Variants in CSMD1 observed in about 807,000 individuals in gnomAD.
The protein encoded by CSMD1 is CUB and sushi domain-containing protein 1.
In CSMD1, 213 loss-of-function variants were observed where a neutral mutation model predicts 417.5. The observed-to-expected ratio is 0.51, with a 90% CI of 0.46 to 0.57. The LOEUF is 0.57. CSMD1 is among the 20% of genes least tolerant of loss of function. The pLI is 0.00. For synonymous variants in CSMD1, 2,862 were observed against 1,736.8 expected, an observed-to-expected ratio of 1.65 and a Z score of -16.11; for missense variants, 6,923 against 4,529.7, an observed-to-expected ratio of 1.53 and a Z score of -15.17.
chr8:3,623,528 A>G (rs553321901), intron 7 of CSMD1, among the ~76,000 whole-genome samples: 3 of 152,362 alleles, frequency 2.0e-5, no homozygotes, highest in Non-Finnish European at 2.9e-5. Context: ...CGCTAAAAAT[A>G]ATTACAATGA....
chr8:4,776,404 C>A (rs1284782054), intron 1 of CSMD1, among the ~76,000 whole-genome samples: 1 of 152,160 alleles, frequency 6.6e-6, no homozygotes, highest in Non-Finnish European at 1.5e-5. Flanking sequence ...TCAGGTTATT[C>A]TTATGGTGCC....
chr8:3,917,855 T>C (rs1256510460), intron 5 of CSMD1, among the ~76,000 whole-genome samples: 3 of 152,152 alleles, frequency 2.0e-5, no homozygotes, highest in Non-Finnish European at 4.4e-5. Flanking sequence ...TCTACATGCT[T>C]AGAAATTTTA....
chr8:4,157,703 G>C (rs1008489292), intron 3 of CSMD1, among the ~76,000 whole-genome samples: 2 of 152,224 alleles, frequency 1.3e-5, no homozygotes, highest in East Asian at 1.9e-4. Context: ...CCTTGGGTGG[G>C]TCTGCACAGT....
intron 3 of CSMD1, among the ~76,000 whole-genome samples, chr8:4,241,750 C>G (rs960965548): frequency 6.8e-6 from 1 of 148,130 alleles, no homozygotes; most frequent in African/African-American, 2.5e-5. Context: ...GTCGCCCAGG[C>G]TGGAGTGCAG....
At chr8:3,818,515 T>A (rs1013068887) in intron 5 of CSMD1, among the ~76,000 whole-genome samples, 4 of 152,052 alleles carry the variant, frequency 2.6e-5, no homozygotes, top group African/African-American at 9.7e-5. Flanking sequence ...CAACTGCAGA[T>A]TAGACCAGGG....
At chr8:3,660,977 T>C (rs185956221) in intron 7 of CSMD1, among the ~76,000 whole-genome samples, 17 of 152,242 alleles carry the variant, frequency 1.1e-4, no homozygotes, top group Admixed American at 7.2e-4. Context: ...AGGTGAGGGA[T>C]TGGCAGAGGT....
chr8:4,601,862 G>A (rs75498939), intron 2 of CSMD1, among the ~76,000 whole-genome samples: 1 of 152,146 alleles, frequency 6.6e-6, no homozygotes, highest in African/African-American at 2.4e-5. Flanking sequence ...TTCTGAGTCA[G>A]AAGCACTGTG....
At chr8:3,878,382 G>C (rs770965080) in intron 5 of CSMD1, among the ~76,000 whole-genome samples, 6 of 152,076 alleles carry the variant, frequency 3.9e-5, no homozygotes, top group Non-Finnish European at 5.9e-5. Flanking sequence ...GAAAATCCTG[G>C]ATTTGCCTCT....
intron 1 of CSMD1, among the ~76,000 whole-genome samples, chr8:4,669,275 C>T (rs949090819): frequency 1.3e-5 from 2 of 152,098 alleles, no homozygotes; most frequent in Non-Finnish European, 2.9e-5. Context: ...CCTCTGTTAT[C>T]GTTTATATTT....
At chr8:3,148,005 T>C (rs1239953029) in intron 40 of CSMD1, among the ~76,000 whole-genome samples, 2 of 152,226 alleles carry the variant, frequency 1.3e-5, no homozygotes, top group Non-Finnish European at 1.5e-5. Flanking sequence ...CCTGGTAAGA[T>C]ATTTTTTGTG....
intron 33 of CSMD1, among the ~76,000 whole-genome samples, chr8:3,191,088 T>A (rs936130916): frequency 2.0e-5 from 3 of 152,196 alleles, no homozygotes; most frequent in African/African-American, 7.2e-5. Context: ...ATTTTTCTAA[T>A]GAGAACACCT....
At chr8:3,785,911 T>C (rs1424176062) in intron 5 of CSMD1, among the ~76,000 whole-genome samples, 2 of 152,238 alleles carry the variant, frequency 1.3e-5, no homozygotes, top group Admixed American at 6.5e-5. Flanking sequence ...GATTTCTCTG[T>C]ACACCATTCT....
chr8:3,500,200 G>A (rs76155514), intron 10 of CSMD1, among the ~76,000 whole-genome samples: 2,706 of 152,174 alleles, frequency 0.018, 68 homozygotes, highest in East Asian at 0.11. Context: ...TGTTGCTTCA[G>A]TACAGTGTTC....
intron 1 of CSMD1, among the ~76,000 whole-genome samples, chr8:4,917,802 G>A (rs1161509927): frequency 6.6e-6 from 1 of 152,270 alleles, no homozygotes; most frequent in South Asian, 2.1e-4. Context: ...AGTGTTGCAA[G>A]ATAGGAACAG....
chr8:3,717,520 A>G (rs1801909758), intron 6 of CSMD1, among the ~76,000 whole-genome samples: 1 of 152,172 alleles, frequency 6.6e-6, no homozygotes, highest in Admixed American at 6.5e-5. Flanking sequence ...TCCTTGTCAC[A>G]TGGCCATGAA....
At chr8:3,983,178 T>C (rs952033655) in intron 5 of CSMD1, among the ~76,000 whole-genome samples, 6 of 148,506 alleles carry the variant, frequency 4.0e-5, no homozygotes, top group Admixed American at 2.7e-4. Flanking sequence ...TCACCCAGGC[T>C]GGAGTGCAGT....
chr8:3,877,106 G>C (rs771377797), intron 5 of CSMD1, among the ~76,000 whole-genome samples: 2 of 152,160 alleles, frequency 1.3e-5, no homozygotes, highest in African/African-American at 4.8e-5. Context: ...CTGAAGTAGT[G>C]CAACTCCTCG....
chr8:4,169,591 G>C (rs779493553), intron 3 of CSMD1, among the ~76,000 whole-genome samples: 2 of 152,066 alleles, frequency 1.3e-5, no homozygotes, highest in Admixed American at 6.5e-5. Flanking sequence ...ACAGGCATTA[G>C]AAGAATCTTG....
chr8:4,751,493 G>A (rs1252327855), intron 1 of CSMD1, among the ~76,000 whole-genome samples: 1 of 152,140 alleles, frequency 6.6e-6, no homozygotes, highest in Non-Finnish European at 1.5e-5. Context: ...CCTGGATTTT[G>A]TGGAATCATG....
Sources: allele counts gnomAD v4.1 joint callset (sites outside exome capture counted in the v4.1 genomes callset), GRCh38; gene constraint gnomAD v4.1.1; transcripts MANE v1.5; gene names NCBI Gene and HGNC (gene_info 2026-07-23, HGNC 2026-07-21).